The following SBF2 variants were observed in gnomAD, a reference collection of about 807,000 sequenced individuals.
The protein encoded by SBF2 is myotubularin-related protein 13.
SBF2 carries 112 observed loss-of-function variants against 225.2 expected under a neutral mutation model. The ratio of observed to expected loss-of-function variants is 0.50; its 90% confidence interval spans 0.43 to 0.58. The LOEUF (loss-of-function observed/expected upper bound fraction) is 0.58, where lower values mean the gene tolerates loss of function less well. Ranked by LOEUF, SBF2 falls within the 20% of genes least tolerant of loss-of-function variation. The probability of loss-of-function intolerance (pLI) is 0.00; values close to 1 mark genes in which losing one functional copy is unlikely to be tolerated. For synonymous variants in SBF2, 763 were observed against 773.3 expected, an observed-to-expected ratio of 0.99 and a Z score of 0.22; for missense variants, 1,996 against 2,206.2, an observed-to-expected ratio of 0.90 and a Z score of 1.91.
chr11:10,275,209 A>AGAGAAGAGAAAAAAAAGAG (rs1962862157), intron 1 of SBF2, among the ~76,000 whole-genome samples: 1 of 152,036 alleles, frequency 6.6e-6, no homozygotes, highest in Non-Finnish European at 1.5e-5. Flanking sequence ...AAAAAAAAGA[A>AGAGAAGAGAAAAAAAAGAG]AGAGAGAACA....
chr11:10,142,659 A>G (rs1954699406), intron 2 of SBF2, among the ~76,000 whole-genome samples: 1 of 152,158 alleles, frequency 6.6e-6, no homozygotes, highest in African/African-American at 2.4e-5. Context: ...TTCCCCACAA[A>G]CCACATAAAA....
intron 2 of SBF2, among the ~76,000 whole-genome samples, chr11:10,067,147 T>A (rs569937128): frequency 3.3e-5 from 5 of 152,016 alleles, no homozygotes; most frequent in African/African-American, 4.8e-5. Flanking sequence ...GGGATACATA[T>A]GTCAAAAGAT....
intron 2 of SBF2, among the ~76,000 whole-genome samples, chr11:10,186,424 T>G (rs964011875): frequency 6.6e-6 from 1 of 152,156 alleles, no homozygotes; most frequent in Admixed American, 6.5e-5. Flanking sequence ...TCCTAGCTAT[T>G]CTGGACACTG....
chr11:9,817,566 A>G (rs1252355698), intron 28 of SBF2, among the ~76,000 whole-genome samples: 2 of 135,524 alleles, frequency 1.5e-5, no homozygotes, highest in African/African-American at 3.1e-5. Context: ...ATGTAATTCT[A>G]AACAAGATTA....
chr11:10,244,201 C>T (rs1300641914), intron 1 of SBF2, among the ~76,000 whole-genome samples: 1 of 152,144 alleles, frequency 6.6e-6, no homozygotes, highest in African/African-American at 2.4e-5. Flanking sequence ...AAATCATTGC[C>T]AAGGCTAATA....
At chr11:9,926,229 CTG>C (rs1346837463) in intron 16 of SBF2, among the ~76,000 whole-genome samples, 1 of 152,048 alleles carries the variant, frequency 6.6e-6, no homozygotes, top group Non-Finnish European at 1.5e-5. Context: ...TTCGGGTAGA[CTG>C]TATTTGATTT....
intron 17 of SBF2, among the ~76,000 whole-genome samples, chr11:9,864,618 C>T (rs1858035877): frequency 6.6e-6 from 1 of 152,076 alleles, no homozygotes; most frequent in African/African-American, 2.4e-5. Context: ...AACTCCTGGG[C>T]TCAAGTGATC....
chr11:10,261,542 G>T (rs951418319), intron 1 of SBF2, among the ~76,000 whole-genome samples: 1 of 151,940 alleles, frequency 6.6e-6, no homozygotes, highest in African/African-American at 2.4e-5. Context: ...GACATAAGAT[G>T]GTATACCACT....
At chr11:10,167,212 C>T (rs181168112) in intron 2 of SBF2, among the ~76,000 whole-genome samples, 63 of 152,152 alleles carry the variant, frequency 4.1e-4, no homozygotes, top group Admixed American at 8.5e-4. Flanking sequence ...GTTAATTTAA[C>T]GCAAGAAACT....
intron 17 of SBF2, among the ~76,000 whole-genome samples, chr11:9,887,548 G>C: frequency 6.6e-6 from 1 of 151,978 alleles, no homozygotes. Flanking sequence ...CTGTCTTAAA[G>C]AACAAGAAGA....
At chr11:9,967,734 G>T (rs1333630273) in intron 14 of SBF2, among the ~76,000 whole-genome samples, 2 of 152,118 alleles carry the variant, frequency 1.3e-5, no homozygotes, top group Non-Finnish European at 2.9e-5. Context: ...TGACTAACAT[G>T]GAGAAACTCT....
At chr11:10,293,860 G>T (rs1964335135) in intron 1 of SBF2, among the ~76,000 whole-genome samples, 155 bp downstream of exon 1, 1 of 151,862 alleles carries the variant, frequency 6.6e-6, no homozygotes, top group African/African-American at 2.4e-5. Flanking sequence ...GCCAGGCTCA[G>T]CCCAGCCGAG....
At chr11:10,047,438 G>T (rs1009228722) in intron 2 of SBF2, among the ~76,000 whole-genome samples, 1 of 152,124 alleles carries the variant, frequency 6.6e-6, no homozygotes, top group Non-Finnish European at 1.5e-5. Flanking sequence ...CAACAAAACA[G>T]AATAGAGAGC....
chr11:10,068,563 A>G (rs1383329811), intron 2 of SBF2, among the ~76,000 whole-genome samples: 3 of 152,224 alleles, frequency 2.0e-5, no homozygotes, highest in Non-Finnish European at 4.4e-5. Flanking sequence ...ACAATCCTTT[A>G]ATTAATAAAA....
intron 16 of SBF2, among the ~76,000 whole-genome samples, chr11:9,915,861 C>T (rs773675329): frequency 5.9e-5 from 9 of 152,076 alleles, no homozygotes; most frequent in African/African-American, 1.2e-4. Flanking sequence ...TCCAAGAGTT[C>T]GAGACCAGCC....
intron 16 of SBF2, among the ~76,000 whole-genome samples, chr11:9,944,375 A>G (rs1358935856): frequency 2.0e-5 from 3 of 152,216 alleles, no homozygotes; most frequent in African/African-American, 4.8e-5. Flanking sequence ...AACATAACAT[A>G]TATTAATAAA....
At position 10,027,168 on chromosome 11, in the gene SBF2, C is replaced by T. The variant is rs186617775; in HGVS notation, c.619+1284G>A. ...GTTATTAACTGTAGTCACCATGTTG[C>T]ATAGTAGATATCTTGAACTTATTTC... On this transcript the variant is annotated intron_variant, in intron 6 of 39. Transcript: ENST00000256190. Among the ~76,000 whole-genome samples, 271 of 152,178 alleles carry T rather than the reference C, an allele frequency of 1.8e-3. 3 individuals are homozygous for T. Among genetic ancestry groups the T allele is most frequent in the Admixed American group, 3.1e-3 (47 of 15,282 alleles).
intron 16 of SBF2, among the ~76,000 whole-genome samples, chr11:9,918,748 T>TC (rs1410292783): frequency 6.6e-6 from 1 of 150,658 alleles, no homozygotes; most frequent in African/African-American, 2.4e-5. Context: ...TTTACGTCTT[T>TC]TTTTTTTTGA....
In SBF2 at chr11:9,780,703, ATGTT is replaced by A. The variant is rs1165149596; in HGVS notation, c.5452-191_5452-188del. 3 of 633,464 alleles carry A rather than the reference ATGTT, an allele frequency of 4.7e-6. No individual in the cohort carries two copies. The African/African-American group carries it at 5.4e-5, about 11-fold the overall frequency. The allele number at this position is 633,464 out of a possible 1,614,324, so 39.2% of individuals were successfully genotyped here. On this transcript the variant is annotated intron_variant, in intron 39 of 39. Coordinates refer to ENST00000256190, the MANE Select transcript of SBF2 (RefSeq NM_030962.4). Reference sequence around the variant, plus strand: ...TTTGTGGTCTCTAGAGTCATAGGGGATGTTGATAGAAGGGTACTGGCAGGAAAGG... The same window carrying A: ...TTTGTGGTCTCTAGAGTCATAGGGGAGATAGAAGGGTACTGGCAGGAAAGG...
Sources: allele counts gnomAD v4.1 joint callset (sites outside exome capture counted in the v4.1 genomes callset), GRCh38; gene constraint gnomAD v4.1.1; transcripts MANE v1.5; gene names NCBI Gene and HGNC (gene_info 2026-07-23, HGNC 2026-07-21).